The following ERICH6B variants were observed in gnomAD, a reference collection of about 807,000 sequenced individuals.
The protein encoded by ERICH6B is glutamate rich 6B.
A neutral mutation model predicts 80.0 loss-of-function variants in ERICH6B; 69 were observed. The ratio of observed to expected loss-of-function variants is 0.86; its 90% CI spans 0.71 to 1.05. The LOEUF (loss-of-function observed/expected upper bound fraction) is 1.05. Among genes scored for constraint, ERICH6B ranks in the 50% least tolerant of loss-of-function variants. The pLI is 0.00. For synonymous variants in ERICH6B, 283 were observed against 291.9 expected, an observed-to-expected ratio of 0.97 and a Z score of 0.31; for missense variants, 754 against 796.1, an observed-to-expected ratio of 0.95 and a Z score of 0.64.
chr13:45,587,919 C>T (rs1013687136), intron 4 of ERICH6B, among the ~76,000 whole-genome samples: 8 of 152,134 alleles, frequency 5.3e-5, no homozygotes, highest in African/African-American at 1.9e-4. Flanking sequence ...GCCCAATTGG[C>T]AGAGATGGGA....
intron 7 of ERICH6B, among the ~76,000 whole-genome samples, chr13:45,576,816 C>T (rs925361546): frequency 6.6e-6 from 1 of 152,056 alleles, no homozygotes; most frequent in African/African-American, 2.4e-5. Context: ...CAGTGGTGCT[C>T]AGAAACATTC....
intron 4 of ERICH6B, among the ~76,000 whole-genome samples, chr13:45,590,405 A>G (rs891076600): frequency 1.1e-4 from 16 of 151,658 alleles, no homozygotes; most frequent in African/African-American, 3.9e-4. Context: ...AACTCAGACG[A>G]CCTCTGCCCC....
chr13:45,602,968 C>T (rs987138307), intron 2 of ERICH6B, among the ~76,000 whole-genome samples: 3 of 152,138 alleles, frequency 2.0e-5, no homozygotes, highest in Non-Finnish European at 4.4e-5. Flanking sequence ...CCGAGAAGCC[C>T]CACCATCTGC....
chr13:45,569,035 A>C (rs1361869663), intron 8 of ERICH6B, among the ~76,000 whole-genome samples: 1 of 152,238 alleles, frequency 6.6e-6, no homozygotes, highest in Non-Finnish European at 1.5e-5. Flanking sequence ...AATGTGAAGA[A>C]TGAGTCTTCA....
chr13:45,580,077 T>A, intron 6 of ERICH6B, 103 bp from the exon 7 acceptor site: 1 of 1,013,202 alleles, frequency 9.9e-7, no homozygotes, highest in South Asian at 1.5e-5. Context: ...CTCCTAGATA[T>A]CTGGGAAGCC....
At chr13:45,557,797 T>A (rs574250002) in intron 11 of ERICH6B, among the ~76,000 whole-genome samples, 10 of 152,344 alleles carry the variant, frequency 6.6e-5, no homozygotes, top group Middle Eastern at 3.4e-3. Context: ...TATGTGCCTA[T>A]TTTTATACCA....
intron 4 of ERICH6B, 123 bp from the exon 5 acceptor site, chr13:45,587,355 A>C: frequency 1.3e-6 from 1 of 779,332 alleles, no homozygotes; most frequent in Non-Finnish European, 2.0e-6. Flanking sequence ...TGGACATCTC[A>C]AGGTTTGAAG....
chr13:45,547,770 T>C (rs1269724613), intron 13 of ERICH6B, among the ~76,000 whole-genome samples: 1 of 152,178 alleles, frequency 6.6e-6, no homozygotes, highest in African/African-American at 2.4e-5. Context: ...CAAGCTGATA[T>C]AAACTTTACT....
intron 2 of ERICH6B, among the ~76,000 whole-genome samples, chr13:45,605,991 C>G (rs1361857040): frequency 6.6e-6 from 1 of 152,224 alleles, no homozygotes; most frequent in East Asian, 1.9e-4. Context: ...TATTCAATGT[C>G]TGTCTCATTC....
rs1333024953 is a variant in ERICH6B at position 45,596,410 on chromosome 13, T to C, written c.596A>G (p.Asn199Ser). 1 of 1,551,794 alleles carries C rather than the reference T, an allele frequency of 6.4e-7. No homozygotes were observed. The highest frequency in any genetic ancestry group is 2.0e-5 in the Admixed American group (1 of 50,916). Residue 199 changes from asparagine to serine, a missense_variant, in exon 3 of 15, where the codon AAT becomes AGT. Coordinates refer to ENST00000298738, the MANE Select transcript of ERICH6B (RefSeq NM_182542.3). ...EEEEALEKEENLDGKENLYKK... is the reference protein window; with the variant it reads ...EEEEALEKEESLDGKENLYKK... ...ATACAGATTTTCTTTTCCATCCAGA[T>C]TCTCTTCCTTCTCCAGAGCTTCTTC...
intron 11 of ERICH6B, among the ~76,000 whole-genome samples, chr13:45,560,739 C>A (rs115843892): frequency 1.1e-3 from 162 of 152,256 alleles, no homozygotes; most frequent in African/African-American, 3.8e-3. Flanking sequence ...TGGTTTCTTT[C>A]ACTTGGTAAT....
At chr13:45,574,995 A>T (rs1875333423) in intron 7 of ERICH6B, 65 bp from the exon 8 acceptor site, 1 of 1,076,294 alleles carries the variant, frequency 9.3e-7, no homozygotes, top group Non-Finnish European at 1.4e-6. Flanking sequence ...AACATAAAAA[A>T]TTTAAAAAGA....
intron 11 of ERICH6B, among the ~76,000 whole-genome samples, chr13:45,557,586 C>T (rs911525942): frequency 6.6e-6 from 1 of 152,170 alleles, no homozygotes; most frequent in Non-Finnish European, 1.5e-5. Context: ...AGTCCTTGAT[C>T]TATCTTGAGT....
At position 45,615,351 on chromosome 13, in the gene ERICH6B, C is replaced by T. The variant is rs148261287; in HGVS notation, c.-111+334G>A. Among the ~76,000 whole-genome samples, 438 of 152,318 alleles carry T rather than the reference C, an allele frequency of 2.9e-3. 3 individuals carry two copies. Among genetic ancestry groups the T allele is most frequent in the Admixed American group, 5.4e-3 (82 of 15,302 alleles). On this transcript the variant is annotated intron_variant, in intron 1 of 14. Coordinates refer to ENST00000298738, the MANE Select transcript of ERICH6B (RefSeq NM_182542.3). ...AGGAAGAAGTCATAGTATCCACACT[C>T]GCACTTCCCCCCAGAGCTAGGGGCT...
intron 3 of ERICH6B, among the ~76,000 whole-genome samples, chr13:45,595,156 T>G (rs904154206): frequency 1.3e-5 from 2 of 152,216 alleles, no homozygotes; most frequent in Non-Finnish European, 2.9e-5. Flanking sequence ...CAGTGTCTGT[T>G]GACCTAGCAA....
intron 13 of ERICH6B, among the ~76,000 whole-genome samples, chr13:45,547,217 G>A (rs1874028334): frequency 6.6e-6 from 1 of 152,210 alleles, no homozygotes; most frequent in East Asian, 1.9e-4. Flanking sequence ...AGCAATAACT[G>A]AGAAAACGTT....
At chr13:45,591,420 C>T (rs369244621) in intron 3 of ERICH6B, among the ~76,000 whole-genome samples, 56 of 152,180 alleles carry the variant, frequency 3.7e-4, no homozygotes, top group African/African-American at 1.2e-3. Flanking sequence ...TGTGGTGAAA[C>T]GCTGTCTCTA....
intron 1 of ERICH6B, among the ~76,000 whole-genome samples, chr13:45,613,458 G>A (rs1443512546): frequency 6.6e-6 from 1 of 151,932 alleles, no homozygotes; most frequent in African/African-American, 2.4e-5. Flanking sequence ...TAGCTCCCAG[G>A]GCACTCAGCC....
intron 3 of ERICH6B, among the ~76,000 whole-genome samples, chr13:45,595,679 CTT>C (rs760500009): frequency 1.1e-4 from 15 of 135,954 alleles, no homozygotes; most frequent in East Asian, 2.1e-4. Context: ...TCTTCTCTCT[CTT>C]TTTTTTTTTT....
Sources: allele counts gnomAD v4.1 joint callset (sites outside exome capture counted in the v4.1 genomes callset), GRCh38; gene constraint gnomAD v4.1.1; transcripts MANE v1.5; gene names NCBI Gene and HGNC (gene_info 2026-07-23, HGNC 2026-07-21).